Variants in WIPI1 observed in about 807,000 individuals in gnomAD.
The protein encoded by WIPI1 is WD repeat domain, phosphoinositide interacting 1, also known as WD repeat domain phosphoinositide-interacting protein 1.
In WIPI1, 45 loss-of-function variants were observed where a neutral mutation model predicts 55.3. The observed-to-expected ratio is 0.81, with a 90% confidence interval of 0.64 to 1.04. The LOEUF (loss-of-function observed/expected upper bound fraction) is 1.04. Ranked by LOEUF, WIPI1 falls within the 50% of genes least tolerant of loss-of-function variation. The pLI is 0.00. For synonymous variants in WIPI1, 195 were observed against 217.6 expected, an observed-to-expected ratio of 0.90 and a Z score of 0.92; for missense variants, 445 against 559.0, an observed-to-expected ratio of 0.80 and a Z score of 2.06.
rs1393208856 is a variant in WIPI1 at position 68,457,439 on chromosome 17, AAGCCG to A, written c.-23_-19del. 28 of 416,340 alleles carry A rather than the reference AAGCCG, an allele frequency of 6.7e-5. 1 individual carries two copies. The South Asian group carries it at 1.2e-3, about 17-fold the overall frequency. The allele number at this position is 416,340 out of a possible 1,614,324, so 25.8% of individuals were successfully genotyped here. On this transcript the variant is annotated 5_prime_UTR_variant, in exon 1 of 13. Coordinates refer to ENST00000262139, the MANE Select transcript of WIPI1 (RefSeq NM_017983.7). Reference sequence around the variant, plus strand: ...GCCTCCATCGGGGGCTCGGCCCGGGAAGCCGCAGCTCGGAGCCGGCGACAGCCACC... The same window carrying A: ...GCCTCCATCGGGGGCTCGGCCCGGGACAGCTCGGAGCCGGCGACAGCCACC...
At chr17:68,431,742 C>T (rs371631179) in intron 8 of WIPI1, among the ~76,000 whole-genome samples, 5 of 152,266 alleles carry the variant, frequency 3.3e-5, no homozygotes, top group Non-Finnish European at 7.3e-5. Context: ...GAGCCGTAAC[C>T]GCCGGGGACA....
intron 8 of WIPI1, among the ~76,000 whole-genome samples, chr17:68,431,964 C>T (rs953635738): frequency 2.6e-5 from 4 of 152,182 alleles, no homozygotes; most frequent in Non-Finnish European, 4.4e-5. Context: ...AGCTCAGCCG[C>T]CCTCTAGTGC....
Position 68,428,855 on chromosome 17 carries a change from T to C in WIPI1, c.1047A>G (p.Gly349=). The C allele has an allele frequency of 6.2e-7, 1 of 1,614,078 alleles. No individual in the cohort carries two copies. Among genetic ancestry groups the C allele is most frequent in the South Asian group, 1.1e-5 (1 of 91,076 alleles). The change falls in exon 10 of 13, where the codon GGA becomes GGG. Residue 349 remains glycine, a synonymous_variant. Coordinates refer to ENST00000262139, the MANE Select transcript of WIPI1 (RefSeq NM_017983.7). ...YMYNLDPQDG[G]ECVLIKTHSL... ...TGTGGGTTTTGATTAAGACACACTC[T>C]CCTCCATCCTGAGGATCCAAATTGT...
chr17:68,443,160 G>A (rs1313884886), intron 4 of WIPI1, among the ~76,000 whole-genome samples: 1 of 152,030 alleles, frequency 6.6e-6, no homozygotes, highest in East Asian at 1.9e-4. Context: ...GCCCAGGCTG[G>A]AGTGCAGTGG....
intron 8 of WIPI1, among the ~76,000 whole-genome samples, chr17:68,431,773 T>G (rs75189335): frequency 1.1e-4 from 1 of 9,286 alleles, no homozygotes; most frequent in African/African-American, 6.2e-4. Flanking sequence ...CGTGGACAGG[T>G]TGAGCGGAGA....
At chr17:68,441,259 C>T (rs1221762752) in intron 4 of WIPI1, among the ~76,000 whole-genome samples, 4 of 152,200 alleles carry the variant, frequency 2.6e-5, no homozygotes, top group East Asian at 1.9e-4. Context: ...TCTGACACAA[C>T]AGGAACGGGC....
intron 8 of WIPI1, 28 bp downstream of exon 8, chr17:68,433,440 A>G: frequency 6.3e-7 from 1 of 1,597,432 alleles, no homozygotes; most frequent in South Asian, 1.1e-5. Flanking sequence ...TCGTTTAATG[A>G]GCATTTGGTG....
rs1568633030 is a variant in WIPI1 at position 68,433,777 on chromosome 17, T to TTTTTTTTG, written c.693-203_693-202insCAAAAAAA. 4.3e-3 allele frequency among the ~76,000 whole-genome samples: 274 copies of TTTTTTTTG among 63,650 alleles called. 4 individuals are homozygous for TTTTTTTTG. The highest frequency in any genetic ancestry group is 0.013 in the African/African-American group (265 of 20,464). 41.8% of individuals were successfully genotyped at this position (63,650 alleles called of 152,430 possible). On this transcript the variant is annotated intron_variant, in intron 7 of 12. Transcript: ENST00000262139. ...GGGTCATAGTTTTTTTTTTTTTTTTTTTTTTTTTTTTTTTTTTTTTTGAGA... is the reference window on the plus strand; with the variant it reads ...GGGTCATAGTTTTTTTTTTTTTTTTTTTTTTTTGTTTTTTTTTTTTTTTTTTTTTGAGA...
At chr17:68,450,588 C>T (rs1292031909) in intron 3 of WIPI1, 140 bp downstream of exon 3, 16 of 1,162,882 alleles carry the variant, frequency 1.4e-5, no homozygotes, top group African/African-American at 4.7e-5. Context: ...ACAATACCCC[C>T]GGGACACGGG....
chr17:68,445,979 A>C (rs1271823316), intron 3 of WIPI1, among the ~76,000 whole-genome samples: 1 of 152,196 alleles, frequency 6.6e-6, no homozygotes, highest in Admixed American at 6.5e-5. Flanking sequence ...CTGAGGCTCA[A>C]GAACCACTGG....
At chr17:68,443,013 C>T (rs188401356) in intron 4 of WIPI1, among the ~76,000 whole-genome samples, 4 of 152,330 alleles carry the variant, frequency 2.6e-5, no homozygotes, top group African/African-American at 7.2e-5. Context: ...CTTCACGTAC[C>T]GTCTTCCATT....
chr17:68,426,443 G>A (rs894834467), intron 11 of WIPI1, among the ~76,000 whole-genome samples: 1 of 152,140 alleles, frequency 6.6e-6, no homozygotes, highest in African/African-American at 2.4e-5. Context: ...ATGTTGCCCA[G>A]GCTGGTCTCG....
intron 4 of WIPI1, 133 bp from the exon 5 acceptor site, chr17:68,436,612 G>C: frequency 1.4e-6 from 1 of 723,730 alleles, no homozygotes; most frequent in Non-Finnish European, 2.2e-6. Context: ...GCAGACAACT[G>C]CTTTCCGCTG....
intron 1 of WIPI1, among the ~76,000 whole-genome samples, chr17:68,456,562 G>A (rs567528277): frequency 1.4e-4 from 21 of 152,312 alleles, no homozygotes; most frequent in African/African-American, 4.8e-4. Context: ...ACACACTTCA[G>A]CCCAGCTCCC....
chr17:68,428,999 A>G (rs79927765), intron 9 of WIPI1, 63 bp from the exon 10 acceptor site: 70,866 of 1,275,162 alleles, frequency 0.056, 2,194 homozygotes, highest in Middle Eastern at 0.07. Context: ...TTCGCTTCCA[A>G]TGACAAAGCC....
intron 4 of WIPI1, among the ~76,000 whole-genome samples, chr17:68,441,782 G>A (rs1179155250): frequency 6.6e-6 from 1 of 152,312 alleles, no homozygotes; most frequent in East Asian, 1.9e-4. Context: ...CCATTTTACT[G>A]CAGTAGAAAG....
At chr17:68,429,789 A>G (rs1173063849) in intron 9 of WIPI1, among the ~76,000 whole-genome samples, 9 of 152,000 alleles carry the variant, frequency 5.9e-5, no homozygotes, top group Non-Finnish European at 1.3e-4. Context: ...GGATTTCACC[A>G]CGTTGGCCAG....
intron 3 of WIPI1, among the ~76,000 whole-genome samples, chr17:68,450,523 G>C (rs1012239028): frequency 1.3e-5 from 2 of 152,216 alleles, no homozygotes; most frequent in African/African-American, 4.8e-5. Flanking sequence ...GGAAACATGA[G>C]CCAGAGGTCT....
intron 8 of WIPI1, among the ~76,000 whole-genome samples, chr17:68,431,155 C>T (rs570311676): frequency 3.3e-5 from 5 of 152,238 alleles, no homozygotes; most frequent in Admixed American, 6.5e-5. Context: ...TGAGAGAGCA[C>T]GGGTGTATAC....
Sources: allele counts gnomAD v4.1 joint callset (sites outside exome capture counted in the v4.1 genomes callset), GRCh38; gene constraint gnomAD v4.1.1; transcripts MANE v1.5; gene names NCBI Gene and HGNC (gene_info 2026-07-23, HGNC 2026-07-21).